HDX: variants seen among roughly 807,000 people sequenced by gnomAD.
HDX encodes the protein chromosome X open reading frame 43.
HDX carries 19 observed loss-of-function variants against 45.2 expected under a neutral mutation model. The observed-to-expected ratio is 0.42, with a 90% CI of 0.29 to 0.62. The LOEUF (loss-of-function observed/expected upper bound fraction) is 0.62. Ranked by LOEUF, HDX falls within the 20% of genes least tolerant of loss-of-function variation. The pLI, the probability that HDX is intolerant of heterozygous loss-of-function variation, is 0.20. For synonymous variants in HDX, 188 were observed against 172.8 expected (o/e 1.09, Z -0.69); for missense variants, 532 against 493.9 (o/e 1.08, Z -0.73).
At chrX:84,374,851 A>C (rs1163539997) in intron 5 of HDX, among the ~76,000 whole-genome samples, 3 of 99,963 alleles carry the variant, frequency 3.0e-5, no homozygotes, top group East Asian at 3.2e-4. Flanking sequence ...CTTCATGTCT[A>C]AAACACCAAA....
intron 4 of HDX, among the ~76,000 whole-genome samples, chrX:84,448,456 C>A (rs753069858): frequency 5.4e-5 from 6 of 111,291 alleles, no homozygotes; most frequent in Non-Finnish European, 1.1e-4. Context: ...ATCTGAATGT[C>A]TCTGTTCCCA....
At chrX:84,412,851 T>C (rs1019136546) in intron 5 of HDX, among the ~76,000 whole-genome samples, 2 of 111,856 alleles carry the variant, frequency 1.8e-5, no homozygotes, top group African/African-American at 6.5e-5. Context: ...TTCTCAGAGG[T>C]TTTGTACATT....
chrX:84,423,999 G>A (rs2039329243), intron 5 of HDX, among the ~76,000 whole-genome samples: 1 of 111,075 alleles, frequency 9.0e-6, no homozygotes, highest in South Asian at 3.8e-4. Context: ...GATATAAAGG[G>A]CATCCGAATT....
At chrX:84,327,300 A>G (rs1380650794) in intron 9 of HDX, among the ~76,000 whole-genome samples, 2 of 111,906 alleles carry the variant, frequency 1.8e-5, no homozygotes, top group Non-Finnish European at 3.8e-5. Flanking sequence ...TAAAATGGTT[A>G]TTATACTGGT....
intron 5 of HDX, among the ~76,000 whole-genome samples, chrX:84,370,828 T>C (rs995908102): frequency 8.0e-5 from 9 of 112,355 alleles, no homozygotes; most frequent in Admixed American, 6.6e-4. Flanking sequence ...TAGCTACACT[T>C]CTTAAGGAAT....
chrX:84,391,235 C>T (rs182555855), intron 5 of HDX, among the ~76,000 whole-genome samples: 39 of 111,862 alleles, frequency 3.5e-4, no homozygotes, highest in Admixed American at 1.2e-3. Flanking sequence ...TCTCATTTAA[C>T]ATAATGGTCC....
chrX:84,335,738 T>C (rs1052329742), intron 8 of HDX, among the ~76,000 whole-genome samples: 3 of 111,124 alleles, frequency 2.7e-5, no homozygotes, highest in African/African-American at 9.8e-5. Context: ...ATCAAAGCTG[T>C]TTTCCTGTAT....
At chrX:84,361,372 G>T in intron 6 of HDX, 94 bp downstream of exon 6, 1 of 705,024 alleles carries the variant, frequency 1.4e-6, no homozygotes, top group Non-Finnish European at 2.1e-6. Context: ...TCACTTTATT[G>T]CTAGCATTGC....
chrX:84,364,188 T>G (rs1432902880), intron 5 of HDX, among the ~76,000 whole-genome samples: 1 of 111,353 alleles, frequency 9.0e-6, no homozygotes, highest in Non-Finnish European at 1.9e-5. Context: ...GAGTTATATA[T>G]TTGTACTTAA....
chrX:84,361,684 A>C (rs909538860), intron 5 of HDX, 72 bp from the exon 6 acceptor site: 2 of 839,561 alleles, frequency 2.4e-6, no homozygotes, highest in Admixed American at 7.0e-5. Flanking sequence ...TATTATAAAG[A>C]GAAGCATCAG....
At chrX:84,411,811 G>C (rs1338722259) in intron 5 of HDX, among the ~76,000 whole-genome samples, 1 of 111,049 alleles carries the variant, frequency 9.0e-6, no homozygotes, top group East Asian at 2.8e-4. Context: ...TCTCTTCCTA[G>C]GTCTTTAATA....
intron 6 of HDX, among the ~76,000 whole-genome samples, chrX:84,358,794 T>C (rs1431412755): frequency 8.9e-6 from 1 of 111,991 alleles, no homozygotes; most frequent in Non-Finnish European, 1.9e-5. Context: ...ACTCTTGGGC[T>C]CAAGTGATCC....
chrX:84,443,499 T>C (rs1253333181), intron 4 of HDX, among the ~76,000 whole-genome samples: 3 of 111,705 alleles, frequency 2.7e-5, no homozygotes, highest in African/African-American at 9.7e-5. Context: ...AGTAGAAAAT[T>C]TGGAGTGTTA....
At chrX:84,468,344 C>G (rs756213884) in intron 4 of HDX, 128 bp downstream of exon 4, 1 of 410,456 alleles carries the variant, frequency 2.4e-6, no homozygotes, top group Non-Finnish European at 4.1e-6. Context: ...AGGAGTTAAC[C>G]CCAAACCACC....
intron 4 of HDX, among the ~76,000 whole-genome samples, chrX:84,443,328 A>T (rs1381859584): frequency 9.0e-6 from 1 of 111,508 alleles, no homozygotes; most frequent in Non-Finnish European, 1.9e-5. Context: ...CAATATTCAG[A>T]TTAGACGGGT....
chrX:84,429,947 A>G (rs1387245796), intron 5 of HDX, among the ~76,000 whole-genome samples: 5 of 111,022 alleles, frequency 4.5e-5, no homozygotes, highest in Admixed American at 1.9e-4. Flanking sequence ...CTATGTTTTG[A>G]TACATTTCAT....
chrX:84,340,640 C>T (rs899382233), intron 7 of HDX, among the ~76,000 whole-genome samples: 1 of 110,903 alleles, frequency 9.0e-6, no homozygotes, highest in Admixed American at 9.6e-5. Context: ...TCAAACGAAT[C>T]GTATTAGTAT....
chrX:84,483,696 C>T (rs962279214), intron 2 of HDX, among the ~76,000 whole-genome samples: 3 of 112,666 alleles, frequency 2.7e-5, no homozygotes, highest in African/African-American at 9.7e-5. Context: ...GCTACTTATG[C>T]AAATTTCTTC....
intron 5 of HDX, among the ~76,000 whole-genome samples, chrX:84,370,360 A>G (rs1032153318): frequency 8.9e-6 from 1 of 111,936 alleles, no homozygotes; most frequent in African/African-American, 3.2e-5. Flanking sequence ...TGCTTTCACA[A>G]TAGTGGGAGA....
Sources: allele counts gnomAD v4.1 joint callset (sites outside exome capture counted in the v4.1 genomes callset), GRCh38; gene constraint gnomAD v4.1.1; transcripts MANE v1.5; gene names NCBI Gene and HGNC (gene_info 2026-07-23, HGNC 2026-07-21).